Variants in PRKAG2 observed in about 807,000 individuals in gnomAD.
PRKAG2 encodes the protein 5'-AMP-activated protein kinase subunit gamma-2.
In PRKAG2, 26 loss-of-function variants were observed where a neutral mutation model predicts 69.6. The observed-to-expected ratio is 0.37, with a 90% CI of 0.27 to 0.52. The LOEUF is 0.52. Ranked by LOEUF, PRKAG2 falls within the 20% of genes least tolerant of loss-of-function variation. The pLI is 0.90. For synonymous variants in PRKAG2, 293 were observed against 285.0 expected, an observed-to-expected ratio of 1.03 and a Z score of -0.28; for missense variants, 557 against 740.0, an observed-to-expected ratio of 0.75 and a Z score of 2.87.
At chr7:151,557,844 C>G (rs1804090355) in intron 15 of PRKAG2, 1 of 904,052 alleles carries the variant, frequency 1.1e-6, no homozygotes, top group Non-Finnish European at 1.3e-6. Context: ...TGCACTCCAG[C>G]CTGGTTGACA....
chr7:151,773,344 T>C (rs1353712796), intron 3 of PRKAG2, among the ~76,000 whole-genome samples: 3 of 152,236 alleles, frequency 2.0e-5, no homozygotes, highest in South Asian at 2.1e-4. Flanking sequence ...TATCCCATTA[T>C]TGGTTTATAG....
In PRKAG2 at chr7:151,777,936, G is replaced by A. The variant is rs950851520; in HGVS notation, c.466+3216C>T. Among the ~76,000 whole-genome samples the A allele has an allele frequency of 6.6e-6, 1 of 152,168 alleles. No individual in the cohort carries two copies. Among genetic ancestry groups the A allele is most frequent in the Non-Finnish European group, 1.5e-5 (1 of 68,028 alleles). On this transcript the variant is annotated intron_variant, in intron 3 of 15. Coordinates refer to ENST00000287878, the MANE Select transcript of PRKAG2 (RefSeq NM_016203.4). This position sits in a 1 kb window ranked among gnomAD's most constrained non-coding sequence, Gnocchi z 4.3. ...TCTCGTACTGCTCTGGGGTCATGGA[G>A]CCAGAGGTCACAAGACTTGCAACTT...
chr7:151,724,899 G>A (rs1245455906), intron 3 of PRKAG2, among the ~76,000 whole-genome samples: 1 of 152,110 alleles, frequency 6.6e-6, no homozygotes. Flanking sequence ...GACCCGGGGC[G>A]TGGCGGGGCT....
chr7:151,758,032 T>A (rs901151101), intron 3 of PRKAG2, among the ~76,000 whole-genome samples: 1 of 152,242 alleles, frequency 6.6e-6, no homozygotes, highest in Non-Finnish European at 1.5e-5. Flanking sequence ...CAGAGTATAT[T>A]CTCCACCTTT....
intron 1 of PRKAG2, among the ~76,000 whole-genome samples, chr7:151,864,786 A>G (rs1307805929): frequency 6.6e-6 from 1 of 152,122 alleles, no homozygotes; most frequent in African/African-American, 2.4e-5. Context: ...CCCAGGCCCC[A>G]TCACTGCTCT....
intron 15 of PRKAG2, chr7:151,558,880 T>A: frequency 6.1e-6 from 6 of 985,428 alleles, no homozygotes; most frequent in Non-Finnish European, 7.2e-6. Context: ...CCGTTCATTC[T>A]TATGGTTTGA....
chr7:151,649,167 C>T (rs754148182), intron 4 of PRKAG2, among the ~76,000 whole-genome samples: 26 of 151,876 alleles, frequency 1.7e-4, no homozygotes, highest in Admixed American at 1.3e-4. Context: ...ATTCTGTTGC[C>T]GAGGTTGGAG....
chr7:151,695,060 T>C (rs981759884), intron 3 of PRKAG2, among the ~76,000 whole-genome samples: 2 of 152,134 alleles, frequency 1.3e-5, no homozygotes, highest in Non-Finnish European at 2.9e-5. Context: ...CAGCCAAGTT[T>C]CCGATGTGCT....
chr7:151,875,265 G>T (rs2151918450), intron 1 of PRKAG2, among the ~76,000 whole-genome samples: 2 of 150,276 alleles, frequency 1.3e-5, no homozygotes, highest in South Asian at 4.3e-4. Context: ...CTTGGCATCA[G>T]GTGTCTGGAG....
intron 14 of PRKAG2, among the ~76,000 whole-genome samples, chr7:151,562,184 G>A (rs1805161534): frequency 7.3e-6 from 1 of 137,444 alleles, no homozygotes; most frequent in Admixed American, 8.0e-5. Flanking sequence ...GGCGGAGGTT[G>A]TAGTGAGCTG....
Position 151,747,578 on chromosome 7 carries a change from A to C in PRKAG2, c.466+33574T>G, listed in dbSNP as rs80045071. On this transcript the variant is annotated intron_variant, in intron 3 of 15. Transcript: ENST00000287878. ...TCTCAAAAAAAAACCAACCAACCAA[A>C]CAAACAAAAAAACTGTAAAGTATGT... Among the ~76,000 whole-genome samples, 156 of 96,626 alleles carry C rather than the reference A, an allele frequency of 1.6e-3. 1 individual carries two copies. The highest frequency in any genetic ancestry group is 4.6e-3 in the Middle Eastern group (1 of 216). 63.4% of individuals were successfully genotyped at this position (96,626 alleles called of 152,430 possible). A position where few individuals can be genotyped will look rare whatever the true frequency, so the allele number is the denominator to read the frequency against.
At chr7:151,758,650 G>A (rs775543584) in intron 3 of PRKAG2, among the ~76,000 whole-genome samples, 4 of 152,150 alleles carry the variant, frequency 2.6e-5, no homozygotes, top group East Asian at 1.9e-4. Context: ...TCCAAACCCC[G>A]AAGGCACTGA....
chr7:151,817,737 T>C (rs984706896), intron 1 of PRKAG2, among the ~76,000 whole-genome samples: 3 of 152,212 alleles, frequency 2.0e-5, no homozygotes, highest in African/African-American at 4.8e-5. Context: ...CTGCACAAAA[T>C]ACTGTCCATT....
intron 3 of PRKAG2, among the ~76,000 whole-genome samples, chr7:151,684,484 C>T (rs757651419): frequency 1.3e-5 from 2 of 152,144 alleles, no homozygotes; most frequent in Non-Finnish European, 2.9e-5. Flanking sequence ...CTGAGCTGCC[C>T]GTGGGCTTTG....
At chr7:151,747,592 T>C (rs2074372401) in intron 3 of PRKAG2, among the ~76,000 whole-genome samples, 1 of 151,660 alleles carries the variant, frequency 6.6e-6, no homozygotes, top group Non-Finnish European at 1.5e-5. Context: ...ACAAAAAAAC[T>C]GTAAAGTATG....
At chr7:151,688,389 A>G (rs190230703) in intron 3 of PRKAG2, among the ~76,000 whole-genome samples, 2 of 152,360 alleles carry the variant, frequency 1.3e-5, no homozygotes, top group South Asian at 2.1e-4. Context: ...TGTCTGGCAA[A>G]GCCGGTATAC....
intron 1 of PRKAG2, among the ~76,000 whole-genome samples, chr7:151,833,360 T>C (rs1346830777): frequency 6.6e-6 from 1 of 152,174 alleles, no homozygotes; most frequent in Non-Finnish European, 1.5e-5. Flanking sequence ...TGCTCATCCC[T>C]GAGCAGGACA....
intron 2 of PRKAG2, among the ~76,000 whole-genome samples, chr7:151,786,151 C>T (rs1328053216): frequency 2.6e-5 from 4 of 152,176 alleles, no homozygotes; most frequent in South Asian, 2.1e-4. Context: ...TACCTTCCAC[C>T]GGGCTTAGCT....
rs565009782 is a variant in PRKAG2, at chr7:151,638,527, G to A, written c.685-6389C>T. ...CGCACACCTGTAGTCCCAGCTACTC[G>A]GGAGGCTGAGGCAGGAGAATCGCTT... On this transcript the variant is annotated intron_variant, in intron 4 of 15. Coordinates refer to ENST00000287878, the MANE Select transcript of PRKAG2 (RefSeq NM_016203.4). The surrounding 1 kb of genome is among the most constrained non-coding windows in gnomAD (Gnocchi z 4.3). Among the ~76,000 whole-genome samples, 3 of 152,134 alleles carry A rather than the reference G, an allele frequency of 2.0e-5. No homozygotes were observed. The highest frequency in any genetic ancestry group is 6.5e-5 in the Admixed American group (1 of 15,284).
Sources: gnomAD v4.1 joint callset for allele counts (sites outside exome capture counted in the v4.1 genomes callset) on GRCh38, gnomAD v4.1.1 for gene constraint, Gnocchi (gnomAD v3.1) non-coding constraint, MANE v1.5 for transcripts, NCBI Gene and HGNC (gene_info 2026-07-23, HGNC 2026-07-21) for gene names.